SGCD: variants seen among roughly 807,000 people sequenced by gnomAD.
The protein encoded by SGCD is delta-sarcoglycan.
A neutral mutation model predicts 36.6 loss-of-function variants in SGCD; 18 were observed. That is an observed-to-expected ratio of 0.49 (90% CI 0.34 to 0.73). SGCD has a LOEUF of 0.73. Ranked by LOEUF, SGCD falls within the 30% of genes least tolerant of loss-of-function variation. The probability of loss-of-function intolerance (pLI) is 0.01; values close to 1 mark genes in which losing one functional copy is unlikely to be tolerated. For missense variants in SGCD, 387 were observed against 346.7 expected, an observed-to-expected ratio of 1.12 and a Z score of -0.92; for synonymous variants, 133 against 130.6, an observed-to-expected ratio of 1.02 and a Z score of -0.12.
intron 7 of SGCD, among the ~76,000 whole-genome samples, chr5:156,674,949 C>T (rs1753449113): frequency 6.6e-6 from 1 of 152,098 alleles, no homozygotes; most frequent in African/African-American, 2.4e-5. Context: ...GATGAGAAAA[C>T]TGAGAGGTTA....
chr5:156,713,789 C>A (rs1755103727), intron 7 of SGCD, among the ~76,000 whole-genome samples: 2 of 152,188 alleles, frequency 1.3e-5, no homozygotes, highest in Non-Finnish European at 2.9e-5. Context: ...ATTCTGGTTT[C>A]TTTCAGCTAG....
At chr5:156,218,291 T>A (rs1188020944) in intron 3 of SGCD, among the ~76,000 whole-genome samples, 1 of 152,140 alleles carries the variant, frequency 6.6e-6, no homozygotes, top group Non-Finnish European at 1.5e-5. Context: ...TATGTTTTGA[T>A]GTTGTCTTTC....
At chr5:156,136,510 G>A (rs1194059271) in intron 3 of SGCD, among the ~76,000 whole-genome samples, 2 of 152,168 alleles carry the variant, frequency 1.3e-5, no homozygotes, top group African/African-American at 4.8e-5. Flanking sequence ...GATGTGTTTG[G>A]ATCCACTTAA....
rs141206445 is a variant in SGCD at position 156,197,209 on chromosome 5, A to T, written c.-44+73190A>T. The stretch of plus-strand genomic sequence containing the variant: ...GTGCCATGGAGGGGTCAAAGAGTAT[A>T]GAACCCTTTTTTTAGCCTTTTGATG... On this transcript the variant is annotated intron_variant, in intron 3 of 9. Coordinates refer to the SGCD transcript ENST00000517913. Among the ~76,000 whole-genome samples, 423 of 152,324 alleles carry T rather than the reference A, an allele frequency of 2.8e-3. 3 individuals carry two copies. Among genetic ancestry groups the T allele is most frequent in the Middle Eastern group, 3.4e-3 (1 of 294 alleles).
At chr5:156,633,604 A>C (rs1322496723) in intron 6 of SGCD, among the ~76,000 whole-genome samples, 1 of 152,220 alleles carries the variant, frequency 6.6e-6, no homozygotes, top group East Asian at 1.9e-4. Flanking sequence ...TGCAGTGAGC[A>C]TGAAGTATGT....
intron 6 of SGCD, among the ~76,000 whole-genome samples, chr5:156,639,985 C>A (rs1211329963): frequency 6.6e-6 from 1 of 152,000 alleles, no homozygotes; most frequent in Non-Finnish European, 1.5e-5. Context: ...TCTTAGTGTC[C>A]ACACTTATCT....
intron 3 of SGCD, among the ~76,000 whole-genome samples, chr5:156,257,345 G>T (rs886265921): frequency 6.6e-6 from 1 of 152,094 alleles, no homozygotes; most frequent in African/African-American, 2.4e-5. Flanking sequence ...ATGGTGGCGG[G>T]TGCCTGTAGT....
chr5:156,188,468 C>T (rs182010764), intron 3 of SGCD, among the ~76,000 whole-genome samples: 639 of 152,184 alleles, frequency 4.2e-3, no homozygotes, highest in South Asian at 8.7e-3. Context: ...ATCTCCAGGA[C>T]CTACTCAAAT....
intron 1 of SGCD, among the ~76,000 whole-genome samples, chr5:156,044,101 C>G (rs996564894): frequency 1.3e-5 from 2 of 152,112 alleles, no homozygotes; most frequent in African/African-American, 2.4e-5. Flanking sequence ...GATGTTTGCT[C>G]TGGACTGGGG....
intron 3 of SGCD, among the ~76,000 whole-genome samples, chr5:156,427,210 T>C (rs890411768): frequency 1.3e-5 from 2 of 152,214 alleles, no homozygotes; most frequent in South Asian, 2.1e-4. Flanking sequence ...GTGTCACATA[T>C]GATTTCTTTA....
chr5:156,034,627 G>A (rs1017099683), intron 1 of SGCD, among the ~76,000 whole-genome samples: 4 of 152,132 alleles, frequency 2.6e-5, no homozygotes, highest in African/African-American at 9.7e-5. Flanking sequence ...CCCCAGTACT[G>A]AGAAAGTTAT....
At chr5:156,443,476 A>G (rs780362381) in intron 3 of SGCD, among the ~76,000 whole-genome samples, 42 of 152,018 alleles carry the variant, frequency 2.8e-4, no homozygotes, top group Non-Finnish European at 4.6e-4. Context: ...CTCTCTCACT[A>G]TTGTCTGGGA....
chr5:155,946,071 C>A (rs982504804), intron 1 of SGCD, among the ~76,000 whole-genome samples: 1 of 152,030 alleles, frequency 6.6e-6, no homozygotes, highest in Non-Finnish European at 1.5e-5. Context: ...AGGTGTCAAG[C>A]GTGACTCTTA....
At chr5:156,213,063 TAAAC>T (rs1357218247) in intron 3 of SGCD, among the ~76,000 whole-genome samples, 2 of 151,816 alleles carry the variant, frequency 1.3e-5, no homozygotes, top group Non-Finnish European at 1.5e-5. Context: ...TGTTCTCAAA[TAAAC>T]AACCTAATTT....
At chr5:155,934,443 A>T (rs1757158978) in intron 1 of SGCD, among the ~76,000 whole-genome samples, 1 of 152,196 alleles carries the variant, frequency 6.6e-6, no homozygotes, top group Admixed American at 6.5e-5. Flanking sequence ...AAGCACATTT[A>T]ATATCCCACT....
intron 3 of SGCD, among the ~76,000 whole-genome samples, chr5:156,166,555 C>T (rs1041714077): frequency 3.3e-5 from 5 of 152,126 alleles, no homozygotes; most frequent in Non-Finnish European, 5.9e-5. Flanking sequence ...CTCCTGACCT[C>T]GTGATCCGCC....
At chr5:156,670,049 G>A (rs142326427) in intron 7 of SGCD, among the ~76,000 whole-genome samples, 2 of 152,176 alleles carry the variant, frequency 1.3e-5, no homozygotes, top group Non-Finnish European at 1.5e-5. Flanking sequence ...TTTGAGAGGG[G>A]CAATGTGACT....
At chr5:155,752,871 A>C in the SGCD span, among the ~76,000 whole-genome samples, 1 of 152,186 alleles carries the variant, frequency 6.6e-6, no homozygotes, top group African/African-American at 2.4e-5. Context: ...CTCTTATAGA[A>C]GAGAAAAATG....
At chr5:156,672,042 C>T (rs1262658013) in intron 7 of SGCD, among the ~76,000 whole-genome samples, 1 of 152,144 alleles carries the variant, frequency 6.6e-6, no homozygotes. Flanking sequence ...TAGGCCCTGC[C>T]TCCATCACTG....
Sources: allele counts gnomAD v4.1 joint callset (sites outside exome capture counted in the v4.1 genomes callset), GRCh38; gene constraint gnomAD v4.1.1; transcripts MANE v1.5; gene names NCBI Gene and HGNC (gene_info 2026-07-23, HGNC 2026-07-21).